TMEM26: variants seen among roughly 807,000 people sequenced by gnomAD.
The protein encoded by TMEM26 is transmembrane protein 26.
A neutral mutation model predicts 28.8 loss-of-function variants in TMEM26; 38 were observed. The ratio of observed to expected loss-of-function variants is 1.32; its 90% confidence interval spans 1.02 to 1.73. TMEM26 has a LOEUF of 1.73. Among genes scored for constraint, TMEM26 ranks in the 40% most tolerant of loss-of-function variants. The pLI is 0.00. For synonymous variants in TMEM26, 227 were observed against 182.9 expected (o/e 1.24, Z -1.95); for missense variants, 518 against 447.1 (o/e 1.16, Z -1.43).
intron 1 of TMEM26, among the ~76,000 whole-genome samples, chr10:61,439,968 A>T (rs577311817): frequency 6.6e-6 from 1 of 152,322 alleles, no homozygotes; most frequent in East Asian, 1.9e-4. Flanking sequence ...GGCCGTGCAC[A>T]GTGCCTCATG....
At chr10:61,436,309 A>AT in intron 1 of TMEM26, 61 bp from the exon 2 acceptor site, 1 of 1,110,802 alleles carries the variant, frequency 9.0e-7, no homozygotes. Flanking sequence ...CAAAAAAAAA[A>AT]ATTAAGAGGA....
chr10:61,448,509 G>T (rs1473723346), intron 1 of TMEM26, among the ~76,000 whole-genome samples: 1 of 152,158 alleles, frequency 6.6e-6, no homozygotes, highest in Admixed American at 6.5e-5. Flanking sequence ...GAAGATTCTG[G>T]AAGATAGGAA....
At chr10:61,422,625 T>C (rs1839767716) in intron 4 of TMEM26, among the ~76,000 whole-genome samples, 1 of 152,034 alleles carries the variant, frequency 6.6e-6, no homozygotes, top group Non-Finnish European at 1.5e-5. Flanking sequence ...AAAAGACATA[T>C]CAAATTTCTG....
At position 61,436,340 on chromosome 10, in the gene TMEM26, A is replaced by G. The variant is rs1840008362; in HGVS notation, c.192-92T>C. Reference sequence around the variant, plus strand: ...GAGGAAGAATGAAAAAAAAATGCACATACTCCGACCACATTGAGTCAAACC... The same window carrying G: ...GAGGAAGAATGAAAAAAAAATGCACGTACTCCGACCACATTGAGTCAAACC... On this transcript the variant is annotated intron_variant, in intron 1 of 5. Transcript: ENST00000399298. 4 of 720,096 alleles carry G rather than the reference A, an allele frequency of 5.6e-6. No homozygotes were observed. In the South Asian group the frequency reaches 5.7e-5, roughly 10 times the overall value. The allele number at this position is 720,096 out of a possible 1,614,324, so 44.6% of individuals were successfully genotyped here.
At chr10:61,425,338 CA>C (rs1564475953) in intron 4 of TMEM26, among the ~76,000 whole-genome samples, 1 of 152,012 alleles carries the variant, frequency 6.6e-6, no homozygotes, top group Non-Finnish European at 1.5e-5. Context: ...GGGACACAGC[CA>C]AACCATATCA....
At chr10:61,448,894 G>A (rs1840229757) in intron 1 of TMEM26, among the ~76,000 whole-genome samples, 2 of 152,152 alleles carry the variant, frequency 1.3e-5, no homozygotes, top group Non-Finnish European at 2.9e-5. Flanking sequence ...CTCAGATAAT[G>A]CCTGCTTTCG....
chr10:61,434,228 G>A (rs1839966925), intron 2 of TMEM26, among the ~76,000 whole-genome samples: 5 of 152,054 alleles, frequency 3.3e-5, no homozygotes, highest in Admixed American at 3.3e-4. Context: ...TTAATTCTCA[G>A]TGTCAAAATG....
At chr10:61,436,068 C>T (rs1840000735) in intron 2 of TMEM26, 102 bp downstream of exon 2, 4 of 652,478 alleles carry the variant, frequency 6.1e-6, no homozygotes, top group Non-Finnish European at 1.0e-5. Context: ...TTCTTGCTAA[C>T]TCCAGTACCT....
chr10:61,415,361 C>T (rs1016629098), intron 4 of TMEM26, among the ~76,000 whole-genome samples: 2 of 152,074 alleles, frequency 1.3e-5, no homozygotes, highest in Admixed American at 1.3e-4. Context: ...CTTGGGAATG[C>T]AGACTGTAGC....
At chr10:61,434,719 C>T (rs1480403388) in intron 2 of TMEM26, among the ~76,000 whole-genome samples, 3 of 152,202 alleles carry the variant, frequency 2.0e-5, no homozygotes, top group Non-Finnish European at 4.4e-5. Flanking sequence ...TTCATCCCTA[C>T]ATTCTTGGTA....
intron 4 of TMEM26, chr10:61,415,242 A>G: frequency 2.8e-6 from 2 of 724,780 alleles, no homozygotes; most frequent in Non-Finnish European, 3.4e-6. Flanking sequence ...CCTAATTGTT[A>G]TCTAATTATG....
intron 1 of TMEM26, among the ~76,000 whole-genome samples, chr10:61,451,006 A>G (rs1365736196): frequency 1.3e-5 from 2 of 152,228 alleles, no homozygotes; most frequent in Non-Finnish European, 2.9e-5. Flanking sequence ...ATTCACAGGT[A>G]AGAAATTGAG....
intron 4 of TMEM26, among the ~76,000 whole-genome samples, chr10:61,417,245 C>CA (rs1411115606): frequency 3.3e-5 from 5 of 151,672 alleles, no homozygotes; most frequent in Middle Eastern, 3.4e-3. Context: ...CAGAGAGAAA[C>CA]AAAAAAATCT....
chr10:61,410,832 G>A, intron 5 of TMEM26, 86 bp from the exon 6 acceptor site: 1 of 1,271,694 alleles, frequency 7.9e-7, no homozygotes, highest in South Asian at 1.4e-5. Context: ...CATTAACAAT[G>A]GGGACTGTGC....
intron 1 of TMEM26, among the ~76,000 whole-genome samples, chr10:61,451,637 G>A (rs370166206): frequency 9.9e-5 from 15 of 152,082 alleles, no homozygotes; most frequent in Non-Finnish European, 1.5e-4. Flanking sequence ...AATGTCTCAC[G>A]CTTAATAAAT....
chr10:61,408,740 T>A lies in TMEM26; in HGVS notation c.*1582A>T, dbSNP rs1839526302. On this transcript the variant is annotated 3_prime_UTR_variant, in exon 6 of 6. Transcript: ENST00000399298. Reference sequence around the variant, plus strand: ...TCATAAATGTATTCCATTAGTTCCATGTGTCATTTTATAGTCATTATATTG... The same window carrying A: ...TCATAAATGTATTCCATTAGTTCCAAGTGTCATTTTATAGTCATTATATTG... 6.6e-6 allele frequency: 1 copy of A among 152,204 alleles called. No homozygotes were observed. The highest frequency in any genetic ancestry group is 2.4e-5 in the African/African-American group (1 of 41,456). 9.4% of individuals were successfully genotyped at this position (152,204 alleles called of 1,614,324 possible). A position where few individuals can be genotyped will look rare whatever the true frequency, so the allele number is the denominator to read the frequency against.
intron 4 of TMEM26, among the ~76,000 whole-genome samples, chr10:61,418,693 A>T (rs998575207): frequency 6.6e-6 from 1 of 152,114 alleles, no homozygotes; most frequent in Non-Finnish European, 1.5e-5. Context: ...AGAAATATTT[A>T]AAAAATCTGT....
At chr10:61,436,299 C>CA (rs200827225) in intron 1 of TMEM26, 51 bp from the exon 2 acceptor site, 33,617 of 894,312 alleles carry the variant, frequency 0.038, 90 homozygotes, top group African/African-American at 0.075. Context: ...GCTAATTTTC[C>CA]AAAAAAAAAA....
rs375586821 is a variant in TMEM26 at position 61,452,962 on chromosome 10, C to T, written c.120G>A (p.Ala40=). Residue 40 remains alanine, a synonymous_variant, in exon 1 of 6, where the codon GCG becomes GCA. Coordinates refer to ENST00000399298, the MANE Select transcript of TMEM26 (RefSeq NM_178505.8). ...CCAGGAAGAGCAAGAGGTTGAGCAG[C>T]GCAAGCAGCCAGTACCGCGGCTCCT... The part of the protein sequence containing the change: ...VKKEPRYWLL[A]LLNLLLFLET... The T allele has an allele frequency of 8.1e-5, 131 of 1,614,048 alleles. No individual in the cohort carries two copies. In the African/African-American group the frequency reaches 1.7e-3, roughly 21 times the overall value.
Sources: gnomAD v4.1 joint callset for allele counts (sites outside exome capture counted in the v4.1 genomes callset) on GRCh38, gnomAD v4.1.1 for gene constraint, MANE v1.5 for transcripts, NCBI Gene and HGNC (gene_info 2026-07-23, HGNC 2026-07-21) for gene names.